Variants in COLEC10 observed in about 807,000 individuals in gnomAD.
COLEC10 encodes collectin-10.
Under a neutral mutation model 28.4 loss-of-function variants are expected in COLEC10, and 22 were observed. That is an observed-to-expected ratio of 0.78 (90% CI 0.55 to 1.11). The LOEUF (loss-of-function observed/expected upper bound fraction) is 1.11. COLEC10 is among the 50% of genes least tolerant of loss of function. The pLI, the probability that COLEC10 is intolerant of heterozygous loss-of-function variation, is 0.00. For synonymous variants in COLEC10, 125 were observed against 116.1 expected (o/e 1.08, Z -0.49); for missense variants, 361 against 344.1 (o/e 1.05, Z -0.39).
intron 2 of COLEC10, among the ~76,000 whole-genome samples, chr8:119,029,323 A>G (rs10464823): frequency 0.044 from 6,688 of 152,272 alleles, 215 homozygotes; most frequent in East Asian, 0.16. Flanking sequence ...AGCCAGCACA[A>G]TCATCTGGGA....
chr8:119,045,084 C>T (rs1814564338), intron 2 of COLEC10, among the ~76,000 whole-genome samples: 1 of 152,178 alleles, frequency 6.6e-6, no homozygotes. Context: ...TATTAATCCA[C>T]TAATTACTCC....
At chr8:119,086,244 T>G (rs545349885) in intron 1 of COLEC10, among the ~76,000 whole-genome samples, 10 of 152,308 alleles carry the variant, frequency 6.6e-5, no homozygotes, top group African/African-American at 2.2e-4. Flanking sequence ...TTTGTAAAAT[T>G]GAAATTAGCT....
intron 2 of COLEC10, among the ~76,000 whole-genome samples, chr8:119,017,084 C>T (rs6469802): frequency 0.63 from 95,489 of 152,026 alleles, 31,039 homozygotes; most frequent in African/African-American, 0.79. Flanking sequence ...TTGATTTGCA[C>T]TTCTCTAATG....
rs1322067379 is a variant in COLEC10 at position 119,108,234 on chromosome 8, A to G, written c.*2043A>G. Among the ~76,000 whole-genome samples, 1 of 152,212 alleles carries G rather than the reference A, an allele frequency of 6.6e-6. No homozygotes were observed. Among genetic ancestry groups the G allele is most frequent in the South Asian group, 2.1e-4 (1 of 4,826 alleles). On this transcript the variant is annotated 3_prime_UTR_variant, in exon 6 of 6. Transcript: ENST00000332843. ...ATCCTTGGATAGAAAGCCATCCCAG[A>G]TCATGAGGAATGAAAACCTAGAAAC...
chr8:119,080,008 A>G (rs1405569932), intron 1 of COLEC10, among the ~76,000 whole-genome samples: 1 of 152,134 alleles, frequency 6.6e-6, no homozygotes, highest in East Asian at 1.9e-4. Flanking sequence ...TAGCATGTTA[A>G]TATTGAAAAT....
intron 2 of COLEC10, among the ~76,000 whole-genome samples, chr8:119,061,395 G>C (rs1379677421): frequency 6.7e-6 from 1 of 149,934 alleles, no homozygotes; most frequent in Non-Finnish European, 1.5e-5. Context: ...AATGCTAAAA[G>C]GTCCACATTA....
intron 1 of COLEC10, among the ~76,000 whole-genome samples, chr8:119,002,706 T>C (rs987079150): frequency 1.3e-5 from 2 of 152,158 alleles, no homozygotes; most frequent in African/African-American, 2.4e-5. Flanking sequence ...TAAATTGTTT[T>C]ACAAAAGAAT....
the COLEC10 span, among the ~76,000 whole-genome samples, chr8:118,958,903 T>C: frequency 6.6e-6 from 1 of 152,206 alleles, no homozygotes; most frequent in Non-Finnish European, 1.5e-5. Flanking sequence ...CCTTTGAAAT[T>C]ATGTACCCTC....
chr8:118,992,865 T>TTA (rs1329379071), upstream of COLEC10, among the ~76,000 whole-genome samples: 1 of 152,182 alleles, frequency 6.6e-6, no homozygotes, highest in Middle Eastern at 3.2e-3. Context: ...TTTACTTTGA[T>TTA]TATTCTGGAA....
chr8:119,075,735 G>GC (rs1815215983), intron 1 of COLEC10, among the ~76,000 whole-genome samples: 1 of 151,990 alleles, frequency 6.6e-6, no homozygotes, highest in Admixed American at 6.6e-5. Context: ...CATGCGATTT[G>GC]ACCACACAGT....
intron 2 of COLEC10, among the ~76,000 whole-genome samples, chr8:119,012,679 C>A (rs1362975291): frequency 6.6e-6 from 1 of 150,436 alleles, no homozygotes; most frequent in African/African-American, 2.5e-5. Flanking sequence ...TTGTTTATTT[C>A]TTCTTGTGTG....
chr8:119,092,301 A>G (rs1044050069), intron 3 of COLEC10, among the ~76,000 whole-genome samples: 2 of 151,898 alleles, frequency 1.3e-5, no homozygotes, highest in East Asian at 3.9e-4. Context: ...CGATCTTCTG[A>G]CCTCAGGTGA....
At chr8:119,049,576 G>T (rs1203719841) in intron 2 of COLEC10, among the ~76,000 whole-genome samples, 1 of 151,550 alleles carries the variant, frequency 6.6e-6, no homozygotes, top group African/African-American at 2.4e-5. Flanking sequence ...CACCACACCC[G>T]GCTAATTTTT....
intron 2 of COLEC10, among the ~76,000 whole-genome samples, chr8:119,021,580 G>A (rs777719266): frequency 6.6e-6 from 1 of 152,090 alleles, no homozygotes; most frequent in Non-Finnish European, 1.5e-5. Context: ...TGTGCATCTT[G>A]GGTTAAGGCC....
upstream of COLEC10, among the ~76,000 whole-genome samples, chr8:118,993,863 G>A (rs1813546050): frequency 6.6e-6 from 1 of 152,018 alleles, no homozygotes; most frequent in Admixed American, 6.6e-5. Context: ...ACTATAATAG[G>A]GGTTTATAGG....
At chr8:119,054,015 C>T (rs554090240) in intron 2 of COLEC10, among the ~76,000 whole-genome samples, 1 of 152,172 alleles carries the variant, frequency 6.6e-6, no homozygotes, top group South Asian at 2.1e-4. Flanking sequence ...TATTCTTGTA[C>T]TTTGGAGCCA....
At chr8:118,974,573 T>C in the COLEC10 span, among the ~76,000 whole-genome samples, 1 of 152,140 alleles carries the variant, frequency 6.6e-6, no homozygotes, top group East Asian at 1.9e-4. Context: ...CAACTGTAAA[T>C]GGAGGGGTAT....
At chr8:118,972,058 G>A in the COLEC10 span, among the ~76,000 whole-genome samples, 1 of 151,908 alleles carries the variant, frequency 6.6e-6, no homozygotes, top group Non-Finnish European at 1.5e-5. Flanking sequence ...TTTGTTTGCT[G>A]CTAACATCTA....
intron 2 of COLEC10, among the ~76,000 whole-genome samples, chr8:119,050,932 C>T (rs1452940776): frequency 2.0e-5 from 3 of 152,128 alleles, no homozygotes; most frequent in East Asian, 1.9e-4. Context: ...CGAAGTCTTA[C>T]CACCAACGAG....
Sources: allele counts gnomAD v4.1 joint callset (sites outside exome capture counted in the v4.1 genomes callset), GRCh38; gene constraint gnomAD v4.1.1; transcripts MANE v1.5; gene names NCBI Gene and HGNC (gene_info 2026-07-23, HGNC 2026-07-21).